PIBF1: variants seen among roughly 807,000 people sequenced by gnomAD.
PIBF1 encodes the protein progesterone-induced-blocking factor 1.
Under a neutral mutation model 112.5 loss-of-function variants are expected in PIBF1, and 90 were observed. That is an observed-to-expected ratio of 0.80 (90% CI 0.67 to 0.95). The LOEUF is 0.95. Ranked by LOEUF, PIBF1 falls within the 40% of genes least tolerant of loss-of-function variation. PIBF1 has a pLI of 0.00. For missense variants in PIBF1, 915 were observed against 852.3 expected, an observed-to-expected ratio of 1.07 and a Z score of -0.92; for synonymous variants, 301 against 288.6, an observed-to-expected ratio of 1.04 and a Z score of -0.44.
chr13:72,999,062 T>C, intron 17 of PIBF1, 67 bp downstream of exon 17: 1 of 1,077,752 alleles, frequency 9.3e-7, no homozygotes, highest in Non-Finnish European at 1.3e-6. Flanking sequence ...TTTTAGTTAA[T>C]TTTTTCCTTT....
chr13:72,912,218 A>G (rs947572549), intron 12 of PIBF1, among the ~76,000 whole-genome samples: 6 of 152,176 alleles, frequency 3.9e-5, no homozygotes, highest in African/African-American at 1.4e-4. Flanking sequence ...CTGTAGAGCT[A>G]TAAAATAATA....
At chr13:72,952,429 A>G (rs1348099689) in intron 14 of PIBF1, among the ~76,000 whole-genome samples, 1 of 151,438 alleles carries the variant, frequency 6.6e-6, no homozygotes, top group Non-Finnish European at 1.5e-5. Flanking sequence ...AGCCTTTTAA[A>G]TTATTTGTCT....
intron 11 of PIBF1, among the ~76,000 whole-genome samples, chr13:72,903,697 CTA>C (rs1446935733): frequency 6.6e-6 from 1 of 152,142 alleles, no homozygotes; most frequent in African/African-American, 2.4e-5. Context: ...CACATCCTTA[CTA>C]TTAGGCAGTG....
chr13:73,002,775 G>A (rs1287382307), intron 17 of PIBF1, among the ~76,000 whole-genome samples: 1 of 152,048 alleles, frequency 6.6e-6, no homozygotes, highest in Admixed American at 6.6e-5. Flanking sequence ...CCTGAGGTAA[G>A]GAGTTCGAGA....
At chr13:72,904,441 T>TTTTTTTTTTTTG (rs2040614384) in intron 11 of PIBF1, among the ~76,000 whole-genome samples, 1 of 108,610 alleles carries the variant, frequency 9.2e-6, no homozygotes, top group Non-Finnish European at 1.8e-5. Flanking sequence ...TTCTTTTTTT[T>TTTTTTTTTTTTG]TTTTTTTTTT....
At chr13:72,790,438 C>CACACACACAA (rs2034841693) in intron 2 of PIBF1, among the ~76,000 whole-genome samples, 1 of 148,254 alleles carries the variant, frequency 6.7e-6, no homozygotes, top group Non-Finnish European at 1.5e-5. Context: ...CACACACACA[C>CACACACACAA]ACACACACAC....
intron 15 of PIBF1, among the ~76,000 whole-genome samples, chr13:72,967,682 T>G (rs1231813658): frequency 6.6e-6 from 1 of 152,120 alleles, no homozygotes; most frequent in Admixed American, 6.5e-5. Flanking sequence ...CTTTAATGAG[T>G]TGATCGTTGT....
chr13:72,817,107 T>C (rs1425106830), intron 5 of PIBF1, among the ~76,000 whole-genome samples: 1 of 152,250 alleles, frequency 6.6e-6, no homozygotes, highest in Non-Finnish European at 1.5e-5. Context: ...TGCTGTCCAA[T>C]GTAAACTGCT....
chr13:72,958,309 CAAAAA>C (rs71799519), intron 14 of PIBF1, among the ~76,000 whole-genome samples: 4 of 68,728 alleles, frequency 5.8e-5, no homozygotes, highest in Admixed American at 1.8e-4. Context: ...GACCCTATCT[CAAAAA>C]AAAAAAAAAA....
intron 16 of PIBF1, among the ~76,000 whole-genome samples, chr13:72,977,354 T>C (rs7317863): frequency 0.73 from 111,584 of 151,998 alleles, 41,258 homozygotes; most frequent in South Asian, 0.81. Context: ...AACAGGCGCA[T>C]GCCACCACAC....
intron 14 of PIBF1, among the ~76,000 whole-genome samples, chr13:72,957,836 C>G (rs2042490458): frequency 6.6e-6 from 1 of 151,948 alleles, no homozygotes; most frequent in Admixed American, 6.6e-5. Context: ...ATAGTCCCAA[C>G]TACTTGGGAG....
intron 10 of PIBF1, among the ~76,000 whole-genome samples, chr13:72,890,936 T>A (rs540219130): frequency 3.3e-5 from 5 of 152,208 alleles, no homozygotes; most frequent in African/African-American, 1.2e-4. Context: ...ATAAACAACA[T>A]GGAAATAGAC....
At chr13:72,809,682 T>C (rs2035914214) in intron 5 of PIBF1, among the ~76,000 whole-genome samples, 1 of 148,112 alleles carries the variant, frequency 6.8e-6, no homozygotes, top group Admixed American at 6.9e-5. Flanking sequence ...CTCTGCCTCC[T>C]GGGTTCAAGC....
intron 2 of PIBF1, among the ~76,000 whole-genome samples, chr13:72,784,068 A>C (rs996498131): frequency 3.9e-5 from 6 of 152,158 alleles, no homozygotes; most frequent in African/African-American, 1.4e-4. Flanking sequence ...AAAACACAGC[A>C]GATGTTAAGT....
chr13:72,865,803 CATA>C (rs201381987), intron 10 of PIBF1, among the ~76,000 whole-genome samples: 4,233 of 152,230 alleles, frequency 0.028, 77 homozygotes, highest in Middle Eastern at 0.058. Context: ...GTATATGAAG[CATA>C]ATATGTGTGA....
intron 10 of PIBF1, among the ~76,000 whole-genome samples, chr13:72,866,344 CATAT>C (rs2038927998): frequency 6.6e-6 from 1 of 152,164 alleles, no homozygotes; most frequent in Non-Finnish European, 1.5e-5. Context: ...CAACCTACCA[CATAT>C]ACCTTTTAAT....
At position 72,795,485 on chromosome 13, in the gene PIBF1, G is replaced by C. The variant is rs1364458948; in HGVS notation, c.480G>C (p.Glu160Asp). Residue 160 changes from glutamate (E) to aspartate (D), a missense_variant, in exon 4 of 18, where the codon GAG becomes GAC. Physicochemically the swap from Glu to Asp is conservative, Grantham distance 45. Transcript: ENST00000326291. Reference sequence around the variant, plus strand: ...TTCGTCGAAACCTGCGTGACTTTGAGTTGACAGAAGAGCAATATATTAAAT... The same window carrying C: ...TTCGTCGAAACCTGCGTGACTTTGACTTGACAGAAGAGCAATATATTAAAT... The part of the protein sequence containing the change: ...GDVRRNLRDF[E>D]LTEEQYIKLK... 2 of 1,609,760 alleles carry C rather than the reference G, an allele frequency of 1.2e-6. No individual in the cohort carries two copies. Among genetic ancestry groups the C allele is most frequent in the Non-Finnish European group, 1.7e-6 (2 of 1,178,416 alleles).
At chr13:72,861,035 G>A (rs1267435353) in intron 10 of PIBF1, among the ~76,000 whole-genome samples, 1 of 152,002 alleles carries the variant, frequency 6.6e-6, no homozygotes, top group African/African-American at 2.4e-5. Context: ...TACATTCGTG[G>A]GCTACTACAT....
intron 6 of PIBF1, among the ~76,000 whole-genome samples, chr13:72,826,217 T>C (rs912412195): frequency 1.3e-5 from 2 of 152,158 alleles, no homozygotes; most frequent in Admixed American, 6.5e-5. Context: ...TCTTTACTTA[T>C]TGGGTTTGTA....
Sources: gnomAD v4.1 joint callset for allele counts (sites outside exome capture counted in the v4.1 genomes callset) on GRCh38, gnomAD v4.1.1 for gene constraint, MANE v1.5 for transcripts, NCBI Gene and HGNC (gene_info 2026-07-23, HGNC 2026-07-21) for gene names.